MAX: variants seen among roughly 807,000 people sequenced by gnomAD.
MAX encodes the protein MYC associated transcriptional regulator X, also known as protein max.
A neutral mutation model predicts 22.3 loss-of-function variants in MAX; 3 were observed. The observed-to-expected ratio is 0.13, with a 90% CI of 0.06 to 0.35. MAX has a LOEUF of 0.35. Ranked by LOEUF, MAX falls within the 10% of genes least tolerant of loss-of-function variation. The pLI, the probability that MAX is intolerant of heterozygous loss-of-function variation, is 1.00. For missense variants in MAX, 119 were observed against 209.4 expected (o/e 0.57, Z 2.66); for synonymous variants, 72 against 77.7 (o/e 0.93, Z 0.39).
chr14:65,052,881 G>T (rs1431513859), intron 3 of MAX, among the ~76,000 whole-genome samples: 1 of 152,182 alleles, frequency 6.6e-6, no homozygotes, highest in Non-Finnish European at 1.5e-5. Flanking sequence ...CCAGGGTAGA[G>T]TTATGGACCA....
At chr14:65,020,590 C>T (rs1353174987) in intron 3 of MAX, among the ~76,000 whole-genome samples, 1 of 151,906 alleles carries the variant, frequency 6.6e-6, no homozygotes, top group Non-Finnish European at 1.5e-5. Flanking sequence ...GGAGCCACCA[C>T]ACCCGGCTAA....
chr14:65,074,142 CT>C (rs1281781992), downstream of MAX, among the ~76,000 whole-genome samples: 3 of 152,174 alleles, frequency 2.0e-5, no homozygotes, highest in Non-Finnish European at 4.4e-5. Context: ...AGCAAACCAA[CT>C]GTATACTTAA....
chr14:65,075,070 G>A (rs969257137), downstream of MAX: 120 of 1,011,244 alleles, frequency 1.2e-4, no homozygotes, highest in Non-Finnish European at 1.4e-4. This position sits in a 1 kb window ranked among gnomAD's most constrained non-coding sequence, Gnocchi z 4.1. Context: ...AGCTTCCAGA[G>A]GGGTCTCTCA....
At chr14:65,099,550 A>G (rs1467766122) in intron 2 of MAX, among the ~76,000 whole-genome samples, 1 of 151,948 alleles carries the variant, frequency 6.6e-6, no homozygotes, top group Non-Finnish European at 1.5e-5. Flanking sequence ...AAACAAACAA[A>G]CAAACAAACA....
At chr14:65,081,745 ATT>A (rs944786261) in intron 3 of MAX, among the ~76,000 whole-genome samples, 4 of 152,162 alleles carry the variant, frequency 2.6e-5, no homozygotes, top group African/African-American at 9.7e-5. Flanking sequence ...CAGAATCATA[ATT>A]TTGAGTCTGT....
chr14:65,060,021 C>T (rs1480261602), intron 3 of MAX, among the ~76,000 whole-genome samples: 4 of 151,218 alleles, frequency 2.6e-5, no homozygotes, highest in African/African-American at 4.9e-5. Context: ...TTTGTAGAGA[C>T]GGGGTTTCAC....
At chr14:65,055,020 A>G (rs114911537) in intron 3 of MAX, among the ~76,000 whole-genome samples, 2,692 of 152,342 alleles carry the variant, frequency 0.018, 46 homozygotes, top group African/African-American at 0.041. Flanking sequence ...GAGTCCCAGC[A>G]GGCTCGTGAT....
At chr14:65,035,832 C>CT (rs879845454) in intron 3 of MAX, among the ~76,000 whole-genome samples, 159 of 144,550 alleles carry the variant, frequency 1.1e-3, no homozygotes, top group South Asian at 2.2e-3. Flanking sequence ...CTGCGCCCAG[C>CT]TTTTTTTTTT....
rs200897300 is a variant in MAX, at chr14:65,078,530, G to GT, written c.172-495dup. On this transcript the variant is annotated intron_variant, in intron 3 of 4. Coordinates refer to ENST00000358664, the MANE Select transcript of MAX (RefSeq NM_002382.5). This position sits in a 1 kb window ranked among gnomAD's most constrained non-coding sequence, Gnocchi z 6.4. ...CCAGCCTGTTGTTGTTGTTGTTGTT[G>GT]TTGTTTTTTTTTTTTTGGAGACGTA... 1.8e-3 allele frequency among the ~76,000 whole-genome samples: 250 copies of GT among 140,976 alleles called. 3 individuals carry two copies. Among genetic ancestry groups the GT allele is most frequent in the East Asian group, 5.4e-3 (25 of 4,634 alleles). The allele number at this position is 140,976 out of a possible 152,430, so 92.5% of individuals were successfully genotyped here.
chr14:65,031,243 A>G lies in MAX; in HGVS notation c.172-24959T>C, dbSNP rs2062075355. Among the ~76,000 whole-genome samples the G allele has an allele frequency of 1.3e-5, 2 of 152,154 alleles. No homozygotes were observed. Among genetic ancestry groups the G allele is most frequent in the South Asian group, 2.1e-4 (1 of 4,822 alleles). On this transcript the variant is annotated intron_variant, in intron 3 of 3. Coordinates refer to the MAX transcript ENST00000341653. This position sits in a 1 kb window ranked among gnomAD's most constrained non-coding sequence, Gnocchi z 4.6. ...TGACAGAGGGAGAAGCTGAAATAAA[A>G]TGTGCCCCGAGAAGAATTAGGGCTG...
chr14:65,011,688 A>C lies in MAX; in HGVS notation c.172-5404T>G, dbSNP rs534531016. ...CTTTGCCCGGCCTGTGCAGGTGGCC[A>C]TGGGCGGCACATTCCATCTTAAAGC... On this transcript the variant is annotated intron_variant, in intron 3 of 3. Transcript: ENST00000341653. The surrounding 1 kb of genome is among the most constrained non-coding windows in gnomAD (Gnocchi z 4.0). Among the ~76,000 whole-genome samples the C allele has an allele frequency of 2.4e-4, 36 of 152,358 alleles. No homozygotes were observed. Among genetic ancestry groups the C allele is most frequent in the African/African-American group, 8.7e-4 (36 of 41,590 alleles).
chr14:65,077,540 C>T lies in MAX; in HGVS notation c.295+373G>A, dbSNP rs545854777. 5.9e-5 allele frequency: 55 copies of T among 931,660 alleles called. No individual in the cohort carries two copies. In the East Asian group the frequency reaches 6.5e-4, roughly 11 times the overall value. The allele number at this position is 931,660 out of a possible 1,614,324, so 57.7% of individuals were successfully genotyped here. On this transcript the variant is annotated intron_variant, in intron 4 of 4. Transcript: ENST00000358664. This position sits in a 1 kb window ranked among gnomAD's most constrained non-coding sequence, Gnocchi z 6.3. ...ATGGGGAGGGCTCACTGTCCCTGAA[C>T]ACCTGGAGTCTCTGGTACTTACACA...
intron 3 of MAX, among the ~76,000 whole-genome samples, chr14:65,039,333 C>T (rs1313253940): frequency 1.3e-5 from 2 of 152,192 alleles, no homozygotes; most frequent in African/African-American, 4.8e-5. Flanking sequence ...TACTGACTCT[C>T]ACGTAATCAC....
In MAX at chr14:65,075,710, TC is replaced by T; in HGVS notation, c.*765del. 9.4e-7 allele frequency: 1 copy of T among 1,066,442 alleles called. No homozygotes were observed. Among genetic ancestry groups the T allele is most frequent in the Non-Finnish European group, 1.1e-6 (1 of 879,800 alleles). 66.1% of individuals were successfully genotyped at this position (1,066,442 alleles called of 1,614,324 possible). On this transcript the variant is annotated 3_prime_UTR_variant, in exon 5 of 5. Transcript: ENST00000358664. This position sits in a 1 kb window ranked among gnomAD's most constrained non-coding sequence, Gnocchi z 4.1. ...TATGCCACCCAAAACACCCTCCCTG[TC>T]CCAACCCCAAATGGCCACTCCCTGG... is the stretch of plus-strand genomic sequence containing the variant.
At position 65,009,656 on chromosome 14, in the gene MAX, G is replaced by C. The variant is rs1231630755; in HGVS notation, c.172-3372C>G. 6.6e-6 allele frequency among the ~76,000 whole-genome samples: 1 copy of C among 152,002 alleles called. No homozygotes were observed. The highest frequency in any genetic ancestry group is 1.5e-5 in the Non-Finnish European group (1 of 68,008). On this transcript the variant is annotated intron_variant, in intron 3 of 3. Transcript: ENST00000341653. The surrounding 1 kb of genome is among the most constrained non-coding windows in gnomAD (Gnocchi z 4.2). ...CAGACCTTCCCTATGGATTTCCTCT[G>C]AGCTTTTGCATTTCTAATGTGGAAT...
rs1333930817 is a variant in MAX, at chr14:65,102,431, T to TCC, written c.-94_-93dup. On this transcript the variant is annotated 5_prime_UTR_variant, in exon 1 of 5. Transcript: ENST00000358664. ...AAGTCACCGACAACAACAAGCCGAG[T>TCC]CCCCCCCACACACACACTCACTCAC... 1.5e-5 allele frequency: 23 copies of TCC among 1,553,648 alleles called. No homozygotes were observed. The highest frequency in any genetic ancestry group is 1.8e-5 in the Non-Finnish European group (21 of 1,152,640).
At chr14:65,006,310 T>A (rs772007018) in intron 3 of MAX, 2 of 1,613,620 alleles carry the variant, frequency 1.2e-6, no homozygotes, top group Non-Finnish European at 1.7e-6. Context: ...AGGAAAAATA[T>A]CAGCTTACTA....
rs34191835 is a variant in MAX, at chr14:65,016,920, G to GTTTTTT, written c.172-10642_172-10637dup. ...TAATTGTCAAAGAAAGGCCCACGTG[G>GTTTTTT]TTTTTTTTTTTTTTTTTTTTGAGAC... is the stretch of plus-strand genomic sequence containing the variant. On this transcript the variant is annotated intron_variant, in intron 3 of 3. Transcript: ENST00000341653. Among the ~76,000 whole-genome samples the GTTTTTT allele has an allele frequency of 2.7e-3, 313 of 114,820 alleles. 5 individuals are homozygous for GTTTTTT. The highest frequency in any genetic ancestry group is 4.3e-3 in the Non-Finnish European group (252 of 58,352). 75.3% of individuals were successfully genotyped at this position (114,820 alleles called of 152,430 possible). A position where few individuals can be genotyped will look rare whatever the true frequency, so the allele number is the denominator to read the frequency against.
downstream of MAX, among the ~76,000 whole-genome samples, chr14:65,074,430 G>A (rs964201557): frequency 3.9e-5 from 6 of 152,110 alleles, no homozygotes; most frequent in Admixed American, 6.5e-5. Context: ...AAGATATTAC[G>A]GATTTGACAT....
Sources: allele counts gnomAD v4.1 joint callset (sites outside exome capture counted in the v4.1 genomes callset), GRCh38; gene constraint gnomAD v4.1.1; non-coding constraint Gnocchi (gnomAD v3.1); transcripts MANE v1.5; gene names NCBI Gene and HGNC (gene_info 2026-07-23, HGNC 2026-07-21).